Variants in TMX2 observed in about 807,000 individuals in gnomAD.
The protein encoded by TMX2 is thioredoxin-related transmembrane protein 2.
Under a neutral mutation model 33.4 loss-of-function variants are expected in TMX2, and 20 were observed. The ratio of observed to expected loss-of-function variants is 0.60; its 90% confidence interval spans 0.42 to 0.87. The LOEUF (loss-of-function observed/expected upper bound fraction) is 0.87. TMX2 is among the 40% of genes least tolerant of loss of function. The probability of loss-of-function intolerance (pLI) is 0.00; values close to 1 mark genes in which losing one functional copy is unlikely to be tolerated. For missense variants in TMX2, 340 were observed against 370.7 expected (o/e 0.92, Z 0.68); for synonymous variants, 166 against 140.7 (o/e 1.18, Z -1.27).
chr11:57,728,185 C>T lies in TMX2; in HGVS notation c.190-9423C>T, dbSNP rs899017636. 7.3e-5 allele frequency among the ~76,000 whole-genome samples: 11 copies of T among 150,772 alleles called. 1 individual carries two copies. The highest frequency in any genetic ancestry group is 6.3e-4 in the South Asian group (3 of 4,778). Reference sequence around the variant, plus strand: ...AGTTTCACTCTTTTTTTTTTTGAGACGGAGTCTCGCTGTGTCGCCCAGGCT... The same window carrying T: ...AGTTTCACTCTTTTTTTTTTTGAGATGGAGTCTCGCTGTGTCGCCCAGGCT... On this transcript the variant is annotated intron_variant, in intron 1 of 7. Transcript: ENST00000278422.
intron 2 of TMX2, 94 bp from the exon 3 acceptor site, chr11:57,737,819 T>A (rs1348515899): frequency 5.0e-6 from 8 of 1,611,976 alleles, no homozygotes; most frequent in Non-Finnish European, 6.8e-6. Context: ...ATCCCCTCCC[T>A]GTCTCCTATT....
chr11:57,732,047 C>G (rs1461542358), intron 1 of TMX2, among the ~76,000 whole-genome samples: 1 of 152,188 alleles, frequency 6.6e-6, no homozygotes, highest in African/African-American at 2.4e-5. Context: ...ATGTTCTTTT[C>G]CCATTAATCT....
intron 7 of TMX2, among the ~76,000 whole-genome samples, chr11:57,739,526 G>T (rs1156701911): frequency 6.6e-6 from 1 of 152,226 alleles, no homozygotes; most frequent in Non-Finnish European, 1.5e-5. Context: ...GGGAGGCCGA[G>T]GCTGGCAGAT....
At position 57,740,568 on chromosome 11, in the gene TMX2, CTG is replaced by C. The variant is rs1949023523; in HGVS notation, c.*326_*327del. On this transcript the variant is annotated 3_prime_UTR_variant, in exon 8 of 8. Transcript: ENST00000278422. ...ATCTCCATGGTTTCTCCATGAAACT[CTG>C]TGGTTTCATCATTCCTTCTTAGTTG... 3 of 220,330 alleles carry C rather than the reference CTG, an allele frequency of 1.4e-5. No homozygotes were observed. Among genetic ancestry groups the C allele is most frequent in the East Asian group, 1.2e-4 (1 of 8,536 alleles). 13.6% of individuals were successfully genotyped at this position (220,330 alleles called of 1,614,324 possible).
At position 57,738,118 on chromosome 11, in the gene TMX2, C is replaced by T. The variant is rs973539787; in HGVS notation, c.364+92C>T. 2.2e-5 allele frequency: 23 copies of T among 1,034,538 alleles called. No individual in the cohort carries two copies. The African/African-American group carries it at 3.2e-4, about 15-fold the overall frequency. 64.1% of individuals were successfully genotyped at this position (1,034,538 alleles called of 1,614,324 possible). The stretch of plus-strand genomic sequence containing the variant: ...AACCACAGTCCCAACAGTTGCAATC[C>T]CAAACATGTTTCTCCATACCCTTCT... On this transcript the variant is annotated intron_variant, in intron 3 of 7. Coordinates refer to ENST00000278422, the MANE Select transcript of TMX2 (RefSeq NM_015959.4).
rs151235817 is a variant in TMX2 at position 57,712,698 on chromosome 11, T to G, written c.80T>G (p.Leu27Arg). The G allele has an allele frequency of 4.3e-6, 7 of 1,614,064 alleles. No individual in the cohort carries two copies. Among genetic ancestry groups the G allele is most frequent in the African/African-American group, 2.7e-5 (2 of 74,926 alleles). The change falls in exon 1 of 8, where the codon CTT becomes CGT. Residue 27 changes from leucine to arginine, a missense_variant. This residue lies in a region of TMX2 where 106 missense variants were observed against 82.7 expected (regional missense o/e 1.28). Coordinates refer to ENST00000278422, the MANE Select transcript of TMX2 (RefSeq NM_015959.4). ...CGATGGCTCGCCCAACCTTACTACCTTCTGTCGGCCCTGCTCTCTGCTGCC... is the reference window on the plus strand; with the variant it reads ...CGATGGCTCGCCCAACCTTACTACCGTCTGTCGGCCCTGCTCTCTGCTGCC... ...LSRWLAQPYY[L>R]LSALLSAAFL... is the part of the protein sequence containing the mutation.
At chr11:57,737,053 G>GT (rs1948793506) in intron 1 of TMX2, among the ~76,000 whole-genome samples, 1 of 151,990 alleles carries the variant, frequency 6.6e-6, no homozygotes. Context: ...TTTTTAATCT[G>GT]TTATCTCATT....
chr11:57,735,621 A>C (rs547507647), intron 1 of TMX2, among the ~76,000 whole-genome samples: 34 of 152,224 alleles, frequency 2.2e-4, no homozygotes, highest in Non-Finnish European at 4.4e-4. Flanking sequence ...TGAGGGGTAA[A>C]GGAAACAGGA....
chr11:57,721,007 G>GTT (rs5792057), intron 1 of TMX2, among the ~76,000 whole-genome samples: 1,741 of 144,866 alleles, frequency 0.012, 20 homozygotes, highest in Non-Finnish European at 0.014. Context: ...AAAGATAGCT[G>GTT]TTTTTTTTTT....
chr11:57,717,746 G>GGGGTGA, intron 1 of TMX2, among the ~76,000 whole-genome samples: 1 of 84,744 alleles, frequency 1.2e-5, no homozygotes, highest in Admixed American at 1.3e-4. Flanking sequence ...AGAGGGGAGA[G>GGGGTGA]GGGAGAGGGA....
In TMX2 at chr11:57,740,271, C is replaced by T. The variant is rs1949008517; in HGVS notation, c.*26C>T. On this transcript the variant is annotated 3_prime_UTR_variant, in exon 8 of 8. Transcript: ENST00000278422. ...GATCCTCACTTTGGCAGTGCTTCCT[C>T]TCCTGTCAATTCCAGGCTCTTTCCA... The T allele has an allele frequency of 1.3e-6, 2 of 1,555,876 alleles. No homozygotes were observed. The highest frequency in any genetic ancestry group is 8.7e-7 in the Non-Finnish European group (1 of 1,154,618).
chr11:57,731,797 G>A (rs186324163), intron 1 of TMX2, among the ~76,000 whole-genome samples: 5 of 152,062 alleles, frequency 3.3e-5, no homozygotes, highest in Admixed American at 3.3e-4. Context: ...AGCACAATTT[G>A]TATGTCATTC....
At position 57,740,109 on chromosome 11, in the gene TMX2, T is replaced by G; in HGVS notation, c.755T>G (p.Ile252Ser). The change falls in exon 8 of 8, where the codon ATC (isoleucine) becomes AGC (serine). Residue 252 changes from isoleucine to serine, a missense_variant. By Grantham distance (142) the Ile-to-Ser change is moderately radical (BLOSUM62 -2). Coordinates refer to ENST00000278422, the MANE Select transcript of TMX2 (RefSeq NM_015959.4). ...VSWTFSEENV[I>S]REFNLNELYQ... Reference sequence around the variant, plus strand: ...ATCTCTTTTGTGCAGGAGAATGTGATCCGAGAATTTAACTTAAATGAGCTA... The same window carrying G: ...ATCTCTTTTGTGCAGGAGAATGTGAGCCGAGAATTTAACTTAAATGAGCTA... 1 of 1,613,960 alleles carries G rather than the reference T, an allele frequency of 6.2e-7. No homozygotes were observed. The highest frequency in any genetic ancestry group is 8.5e-7 in the Non-Finnish European group (1 of 1,179,876).
intron 1 of TMX2, chr11:57,718,099 C>G: frequency 7.9e-7 from 1 of 1,273,696 alleles, no homozygotes; most frequent in Non-Finnish European, 1.1e-6. Flanking sequence ...TTCCTGGACC[C>G]AAAGCGCTCC....
At chr11:57,738,061 T>G in intron 3 of TMX2, 35 bp downstream of exon 3, 4 of 1,454,786 alleles carry the variant, frequency 2.7e-6, no homozygotes, top group Non-Finnish European at 3.7e-6. Flanking sequence ...TTTTTTTTTT[T>G]GTAAGACTGT....
At chr11:57,721,110 T>G (rs1947598696) in intron 1 of TMX2, among the ~76,000 whole-genome samples, 1 of 151,330 alleles carries the variant, frequency 6.6e-6, no homozygotes, top group Non-Finnish European at 1.5e-5. Flanking sequence ...GAGACCAGCC[T>G]GGGCAATACA....
intron 1 of TMX2, among the ~76,000 whole-genome samples, chr11:57,720,406 CTT>C (rs1947543965): frequency 1.3e-5 from 2 of 152,084 alleles, no homozygotes; most frequent in Admixed American, 1.3e-4. Context: ...CAAAACAAAA[CTT>C]TTTCTTTTTT....
chr11:57,729,056 G>GCATCAATCCACCACA (rs560580805), intron 1 of TMX2, among the ~76,000 whole-genome samples: 7 of 151,694 alleles, frequency 4.6e-5, no homozygotes, highest in African/African-American at 1.7e-4. Context: ...CAAGCAGCAC[G>GCATCAATCCACCACA]CATCAATCCA....
intron 1 of TMX2, among the ~76,000 whole-genome samples, chr11:57,724,221 G>C (rs1449991705): frequency 6.6e-6 from 1 of 152,124 alleles, no homozygotes; most frequent in Middle Eastern, 3.2e-3. Context: ...CAAACGCAAA[G>C]GGGGTTTATT....
Sources: gnomAD v4.1 joint callset for allele counts (sites outside exome capture counted in the v4.1 genomes callset) on GRCh38, gnomAD v4.1.1 for gene constraint, gnomAD v4.1.1 regional missense constraint, MANE v1.5 for transcripts, NCBI Gene and HGNC (gene_info 2026-07-23, HGNC 2026-07-21) for gene names.